POLR3B: variants seen among roughly 807,000 people sequenced by gnomAD.
The protein encoded by POLR3B is RNA polymerase III subunit B.
Under a neutral mutation model 147.4 loss-of-function variants are expected in POLR3B, and 96 were observed. The ratio of observed to expected loss-of-function variants is 0.65; its 90% CI spans 0.55 to 0.77. POLR3B has a LOEUF of 0.77. Ranked by LOEUF, POLR3B falls within the 30% of genes least tolerant of loss-of-function variation. POLR3B has a pLI of 0.00. For missense variants in POLR3B, 1,036 were observed against 1,413.5 expected, an observed-to-expected ratio of 0.73 and a Z score of 4.28; for synonymous variants, 461 against 485.9, an observed-to-expected ratio of 0.95 and a Z score of 0.67.
intron 12 of POLR3B, among the ~76,000 whole-genome samples, chr12:106,423,552 G>A (rs1031675647): frequency 1.3e-5 from 2 of 152,164 alleles, no homozygotes; most frequent in Admixed American, 6.5e-5. Flanking sequence ...GAGGCTGAAT[G>A]CCTGAGAACC....
chr12:106,396,664 G>A (rs529435134), intron 10 of POLR3B, among the ~76,000 whole-genome samples: 1 of 152,312 alleles, frequency 6.6e-6, no homozygotes, highest in East Asian at 1.9e-4. Flanking sequence ...CCTTCGGAGA[G>A]GAAGTGATAC....
intron 11 of POLR3B, among the ~76,000 whole-genome samples, chr12:106,407,034 AC>A (rs2037160019): frequency 6.6e-6 from 1 of 152,162 alleles, no homozygotes; most frequent in African/African-American, 2.4e-5. Context: ...GTATTAAAAC[AC>A]CCTTCAATCC....
intron 16 of POLR3B, among the ~76,000 whole-genome samples, chr12:106,435,253 AC>A (rs535273408): frequency 9.4e-6 from 1 of 106,476 alleles, no homozygotes; most frequent in South Asian, 3.3e-4. Context: ...TCAGCTCCCC[AC>A]CCCCGTCCCT....
rs192183629 is a variant in POLR3B, at chr12:106,497,830, A to G, written c.2984+912A>G. On this transcript the variant is annotated intron_variant, in intron 25 of 27. Transcript: ENST00000228347. ...CTTCTCAGTAGGGCCTACTGTTACCATCTAATTTAAAACTATAACCCCATA... is the reference window on the plus strand; with the variant it reads ...CTTCTCAGTAGGGCCTACTGTTACCGTCTAATTTAAAACTATAACCCCATA... Among the ~76,000 whole-genome samples the G allele has an allele frequency of 6.8e-4, 104 of 152,356 alleles. 1 individual carries two copies. Among genetic ancestry groups the G allele is most frequent in the East Asian group, 1.7e-3 (9 of 5,184 alleles).
chr12:106,375,708 G>C (rs984929083), intron 6 of POLR3B, among the ~76,000 whole-genome samples: 5 of 152,080 alleles, frequency 3.3e-5, no homozygotes, highest in Non-Finnish European at 5.9e-5. Context: ...AGTTTTCATA[G>C]CCTCTTGTTC....
At chr12:106,493,623 G>A (rs2137071066) in intron 23 of POLR3B, among the ~76,000 whole-genome samples, 1 of 152,270 alleles carries the variant, frequency 6.6e-6, no homozygotes, top group South Asian at 2.1e-4. Context: ...CACAGTCAGC[G>A]GACCAGAATA....
intron 9 of POLR3B, among the ~76,000 whole-genome samples, chr12:106,385,389 A>G (rs1464961221): frequency 6.6e-6 from 1 of 152,244 alleles, no homozygotes; most frequent in Admixed American, 6.5e-5. Flanking sequence ...TTGAGGAGAT[A>G]CTGGATGCTT....
intron 23 of POLR3B, among the ~76,000 whole-genome samples, chr12:106,466,195 A>G (rs1383845054): frequency 6.6e-6 from 1 of 152,214 alleles, no homozygotes; most frequent in Non-Finnish European, 1.5e-5. Flanking sequence ...CATTTCACTA[A>G]TGACTAGTGA....
intron 23 of POLR3B, among the ~76,000 whole-genome samples, chr12:106,476,981 T>C (rs1407134117): frequency 2.0e-5 from 3 of 151,022 alleles, no homozygotes; most frequent in Non-Finnish European, 4.4e-5. Context: ...GTTCTGTTTT[T>C]TCCCCATCTT....
chr12:106,370,696 A>G (rs993037470), intron 6 of POLR3B, among the ~76,000 whole-genome samples: 10 of 143,442 alleles, frequency 7.0e-5, no homozygotes, highest in Middle Eastern at 3.8e-3. Flanking sequence ...CAGTGGCATG[A>G]TGTTGGCTCA....
At chr12:106,458,399 C>T (rs909630452) in intron 21 of POLR3B, among the ~76,000 whole-genome samples, 1 of 152,122 alleles carries the variant, frequency 6.6e-6, no homozygotes, top group Non-Finnish European at 1.5e-5. Flanking sequence ...GCTTGAGCCA[C>T]CATGCCGAGC....
intron 6 of POLR3B, among the ~76,000 whole-genome samples, chr12:106,375,913 C>A (rs2036671567): frequency 6.6e-6 from 1 of 152,024 alleles, no homozygotes; most frequent in Admixed American, 6.5e-5. Flanking sequence ...TGGTGTGATC[C>A]TGGCTCACGG....
At chr12:106,412,723 A>C (rs1024859455) in intron 12 of POLR3B, among the ~76,000 whole-genome samples, 1 of 152,308 alleles carries the variant, frequency 6.6e-6, no homozygotes, top group Middle Eastern at 3.4e-3. Context: ...ACTCAGCGGC[A>C]TTTTATTGGC....
chr12:106,358,012 CG>C, intron 1 of POLR3B, 61 bp downstream of exon 1: 1 of 1,591,236 alleles, frequency 6.3e-7, no homozygotes, highest in Non-Finnish European at 8.5e-7. Flanking sequence ...GGGCGTTGCC[CG>C]GAGTGCTCGG....
At chr12:106,365,951 C>T (rs944878951) in intron 2 of POLR3B, among the ~76,000 whole-genome samples, 2 of 152,072 alleles carry the variant, frequency 1.3e-5, no homozygotes, top group African/African-American at 4.8e-5. Context: ...TGTCTTCCAT[C>T]TCCATGCCTT....
In POLR3B at chr12:106,504,599, T is replaced by C. The variant is rs1045656601; in HGVS notation, c.3272+345T>C. ...GAATCGCAGTGTGTTAAAGAAACTCTTTAGGGAAGATTACATCGAATGCTT... is the reference window on the plus strand; with the variant it reads ...GAATCGCAGTGTGTTAAAGAAACTCCTTAGGGAAGATTACATCGAATGCTT... On this transcript the variant is annotated intron_variant, in intron 27 of 27. Transcript: ENST00000228347. The surrounding 1 kb of genome is among the most constrained non-coding windows in gnomAD (Gnocchi z 4.6). 6.6e-6 allele frequency among the ~76,000 whole-genome samples: 1 copy of C among 152,222 alleles called. No homozygotes were observed. The highest frequency in any genetic ancestry group is 1.5e-5 in the Non-Finnish European group (1 of 68,038).
chr12:106,394,668 C>T (rs894647714), intron 10 of POLR3B, among the ~76,000 whole-genome samples: 1 of 152,096 alleles, frequency 6.6e-6, no homozygotes. Context: ...GTTGGAAAAT[C>T]ATTCATTTAT....
At chr12:106,400,091 C>T (rs570952199) in intron 10 of POLR3B, among the ~76,000 whole-genome samples, 2 of 152,296 alleles carry the variant, frequency 1.3e-5, no homozygotes, top group Admixed American at 6.5e-5. Flanking sequence ...GGAAACCCAT[C>T]TAAGGTGCAG....
chr12:106,448,991 C>T (rs1428640596), intron 19 of POLR3B, among the ~76,000 whole-genome samples: 1 of 151,960 alleles, frequency 6.6e-6, no homozygotes, highest in Admixed American at 6.6e-5. Flanking sequence ...ATAAGCCCCT[C>T]GAAGTCAGGA....
Sources: gnomAD v4.1 joint callset for allele counts (sites outside exome capture counted in the v4.1 genomes callset) on GRCh38, gnomAD v4.1.1 for gene constraint, Gnocchi (gnomAD v3.1) non-coding constraint, MANE v1.5 for transcripts, NCBI Gene and HGNC (gene_info 2026-07-23, HGNC 2026-07-21) for gene names.